Variants in JAM3 observed in about 807,000 individuals in gnomAD.
The protein encoded by JAM3 is junctional adhesion molecule C.
Under a neutral mutation model 39.4 loss-of-function variants are expected in JAM3, and 31 were observed. The observed-to-expected ratio is 0.79, with a 90% CI of 0.59 to 1.06. JAM3 has a LOEUF of 1.06. Among genes scored for constraint, JAM3 ranks in the 50% least tolerant of loss-of-function variants. The pLI, the probability that JAM3 is intolerant of heterozygous loss-of-function variation, is 0.00. For synonymous variants in JAM3, 182 were observed against 148.7 expected, an observed-to-expected ratio of 1.22 and a Z score of -1.63; for missense variants, 455 against 391.4, an observed-to-expected ratio of 1.16 and a Z score of -1.37.
intron 1 of JAM3, among the ~76,000 whole-genome samples, chr11:134,103,865 C>T (rs1403884152): frequency 3.9e-5 from 6 of 152,106 alleles, no homozygotes; most frequent in Non-Finnish European, 7.4e-5. Flanking sequence ...TAAAGCAAGT[C>T]CTTAGGGACC....
chr11:134,100,330 C>T (rs1056292439), intron 1 of JAM3, among the ~76,000 whole-genome samples: 1 of 152,148 alleles, frequency 6.6e-6, no homozygotes, highest in Admixed American at 6.6e-5. Flanking sequence ...TGCTGCTTTC[C>T]ACCCACAGAG....
intron 8 of JAM3, 95 bp downstream of exon 8, chr11:134,148,913 G>C (rs1440649062): frequency 2.3e-6 from 3 of 1,306,086 alleles, no homozygotes; most frequent in Non-Finnish European, 3.3e-6. Flanking sequence ...GAAGATTTCT[G>C]AGTGATTGTG....
intron 1 of JAM3, among the ~76,000 whole-genome samples, chr11:134,109,296 G>A (rs1232099237): frequency 6.6e-6 from 1 of 152,096 alleles, no homozygotes; most frequent in Non-Finnish European, 1.5e-5. Flanking sequence ...CTGTATTGGA[G>A]GTTCTAGCAG....
intron 5 of JAM3, chr11:134,145,528 A>T (rs921862784): frequency 6.2e-6 from 2 of 323,630 alleles, no homozygotes; most frequent in Non-Finnish European, 1.2e-5. Flanking sequence ...CTGGCCAGCA[A>T]ACCACACCAG....
At chr11:134,106,566 T>C (rs929777197) in intron 1 of JAM3, among the ~76,000 whole-genome samples, 4 of 152,088 alleles carry the variant, frequency 2.6e-5, no homozygotes, top group African/African-American at 9.7e-5. Context: ...ACCTACAGAA[T>C]GGGAGAAAAT....
chr11:134,108,499 C>T (rs987311503), intron 1 of JAM3, among the ~76,000 whole-genome samples: 3 of 152,156 alleles, frequency 2.0e-5, no homozygotes, highest in Admixed American at 6.5e-5. Context: ...GCCAATTTCC[C>T]TCGTGAACAT....
chr11:134,094,322 C>A (rs1300263137), intron 1 of JAM3, among the ~76,000 whole-genome samples: 1 of 141,928 alleles, frequency 7.0e-6, no homozygotes, highest in Non-Finnish European at 1.5e-5. Flanking sequence ...TCATGTTCCA[C>A]CTTACATCTT....
At chr11:134,109,290 A>G (rs897511618) in intron 1 of JAM3, among the ~76,000 whole-genome samples, 3 of 152,158 alleles carry the variant, frequency 2.0e-5, no homozygotes, top group African/African-American at 7.2e-5. Context: ...TCAACACTGT[A>G]TTGGAGGTTC....
At chr11:134,120,245 T>A (rs1310880660) in intron 1 of JAM3, among the ~76,000 whole-genome samples, 3 of 152,276 alleles carry the variant, frequency 2.0e-5, no homozygotes, top group African/African-American at 4.8e-5. Context: ...ATGTTTAGGC[T>A]TGAGCCTCAG....
At chr11:134,118,933 ATCTG>A (rs1000293553) in intron 1 of JAM3, among the ~76,000 whole-genome samples, 6 of 149,692 alleles carry the variant, frequency 4.0e-5, no homozygotes, top group African/African-American at 1.5e-4. Flanking sequence ...CTCTGGTGTT[ATCTG>A]ACTGGATTAA....
intron 3 of JAM3, among the ~76,000 whole-genome samples, chr11:134,141,890 G>T (rs772330056): frequency 6.6e-6 from 1 of 151,982 alleles, no homozygotes; most frequent in African/African-American, 2.4e-5. Flanking sequence ...TCTCAGAGAA[G>T]TTGAGAGTTG....
chr11:134,135,199 TTAATA>T (rs760697967), intron 1 of JAM3, among the ~76,000 whole-genome samples: 17 of 152,252 alleles, frequency 1.1e-4, no homozygotes, highest in Non-Finnish European at 1.8e-4. Flanking sequence ...TGTATTTGAC[TTAATA>T]TAAGGGTCTA....
intron 1 of JAM3, among the ~76,000 whole-genome samples, chr11:134,074,925 T>G (rs1391396252): frequency 6.6e-6 from 1 of 151,962 alleles, no homozygotes; most frequent in Non-Finnish European, 1.5e-5. Flanking sequence ...ATTTAATGTC[T>G]TTAGAATGAA....
intron 1 of JAM3, among the ~76,000 whole-genome samples, chr11:134,117,508 G>A (rs1477775991): frequency 1.3e-5 from 2 of 152,208 alleles, no homozygotes; most frequent in African/African-American, 4.8e-5. Flanking sequence ...TAAAACTGAT[G>A]TGAACATCTC....
At chr11:134,091,147 G>A (rs915455875) in intron 1 of JAM3, among the ~76,000 whole-genome samples, 2 of 152,148 alleles carry the variant, frequency 1.3e-5, no homozygotes, top group African/African-American at 4.8e-5. Context: ...ACAGTTAAAA[G>A]TGGTCATCTG....
At chr11:134,105,162 A>G (rs1942158698) in intron 1 of JAM3, among the ~76,000 whole-genome samples, 1 of 152,228 alleles carries the variant, frequency 6.6e-6, no homozygotes, top group African/African-American at 2.4e-5. Flanking sequence ...ACCATAATCA[A>G]GTGGGCTTCA....
chr11:134,120,144 G>A (rs756610578), intron 1 of JAM3, among the ~76,000 whole-genome samples: 2 of 152,038 alleles, frequency 1.3e-5, no homozygotes, highest in East Asian at 1.9e-4. Context: ...CTTCTCTAGG[G>A]TAGACTCTGC....
chr11:134,086,078 G>C (rs1031772717), intron 1 of JAM3, among the ~76,000 whole-genome samples: 1 of 152,142 alleles, frequency 6.6e-6, no homozygotes, highest in African/African-American at 2.4e-5. Context: ...GAGCCCTATC[G>C]TATTAATCTG....
At chr11:134,092,117 C>T (rs1169011453) in intron 1 of JAM3, among the ~76,000 whole-genome samples, 2 of 152,154 alleles carry the variant, frequency 1.3e-5, no homozygotes, top group Non-Finnish European at 2.9e-5. Context: ...CCTTGAGCTT[C>T]TTATGACTGC....
Sources: gnomAD v4.1 joint callset for allele counts (sites outside exome capture counted in the v4.1 genomes callset) on GRCh38, gnomAD v4.1.1 for gene constraint, MANE v1.5 for transcripts, NCBI Gene and HGNC (gene_info 2026-07-23, HGNC 2026-07-21) for gene names.